The following SLC47A1 variants were observed in gnomAD, a reference collection of about 807,000 sequenced individuals.
The protein encoded by SLC47A1 is solute carrier family 47 member 1, also known as multidrug and toxin extrusion protein 1.
Under a neutral mutation model 65.8 loss-of-function variants are expected in SLC47A1, and 58 were observed. The ratio of observed to expected loss-of-function variants is 0.88; its 90% confidence interval spans 0.71 to 1.10. The LOEUF (loss-of-function observed/expected upper bound fraction) is 1.10. Among genes scored for constraint, SLC47A1 ranks in the 50% least tolerant of loss-of-function variants. The pLI is 0.00. For synonymous variants in SLC47A1, 285 were observed against 295.0 expected, an observed-to-expected ratio of 0.97 and a Z score of 0.35; for missense variants, 706 against 719.2, an observed-to-expected ratio of 0.98 and a Z score of 0.21.
rs1321029338 is a variant in SLC47A1, at chr17:19,577,819, C to A, written c.*266C>A. 7.6e-7 allele frequency: 1 copy of A among 1,321,496 alleles called. No homozygotes were observed. The highest frequency in any genetic ancestry group is 9.7e-7 in the Non-Finnish European group (1 of 1,031,056). The allele number at this position is 1,321,496 out of a possible 1,614,324, so 81.9% of individuals were successfully genotyped here. A position where few individuals can be genotyped will look rare whatever the true frequency, so the allele number is the denominator to read the frequency against. On this transcript the variant is annotated 3_prime_UTR_variant, in exon 17 of 17. Coordinates refer to ENST00000270570, the MANE Select transcript of SLC47A1 (RefSeq NM_018242.3). ...CAAGCAAGGATCAATGTGCTGACTG[C>A]ATTGGCCAATGGCTTTGATACTTCT...
chr17:19,555,743 G>A, intron 8 of SLC47A1, 53 bp downstream of exon 8: 1 of 1,613,532 alleles, frequency 6.2e-7, no homozygotes, highest in Non-Finnish European at 8.5e-7. Context: ...GTCTCAGGTT[G>A]AGTTCCAGCC....
At chr17:19,577,105 C>G (rs1019772995) in intron 16 of SLC47A1, among the ~76,000 whole-genome samples, 1 of 151,954 alleles carries the variant, frequency 6.6e-6, no homozygotes, top group Non-Finnish European at 1.5e-5. Flanking sequence ...GGAGAGTGCT[C>G]CCTGGAGCAC....
chr17:19,548,535 C>G lies in SLC47A1; in HGVS notation c.455+402C>G, dbSNP rs1209969959. 3.1e-4 allele frequency among the ~76,000 whole-genome samples: 47 copies of G among 149,262 alleles called. 2 individuals are homozygous for G. Among genetic ancestry groups the G allele is most frequent in the Non-Finnish European group, 8.9e-5 (6 of 67,660 alleles). On this transcript the variant is annotated intron_variant, in intron 4 of 16. Coordinates refer to ENST00000270570, the MANE Select transcript of SLC47A1 (RefSeq NM_018242.3). ...TTTTTTTTGAGACCAAGTCTCACTC[C>G]GTCCCCCAGACTGGAATGCAGTGGT...
In SLC47A1 at chr17:19,546,048, C is replaced by G. The variant is rs557426172; in HGVS notation, c.238-387C>G. ...CATCCTGGCCAACATGGTGAAACCC[C>G]GTCTTTACTAAAAATACAAAAATTA... On this transcript the variant is annotated intron_variant, in intron 2 of 16. Coordinates refer to ENST00000270570, the MANE Select transcript of SLC47A1 (RefSeq NM_018242.3). Among the ~76,000 whole-genome samples the G allele has an allele frequency of 2.0e-5, 3 of 152,122 alleles. 1 individual carries two copies. In the South Asian group the frequency reaches 6.2e-4, roughly 32 times the overall value.
chr17:19,563,005 T>C lies in SLC47A1; in HGVS notation c.1106+2512T>C, dbSNP rs566603869. Reference sequence around the variant, plus strand: ...CTAAGAGACTACTTTGCACAACTTTTTCCAAGGAAATCTAAAAATGTGGAA... The same window carrying C: ...CTAAGAGACTACTTTGCACAACTTTCTCCAAGGAAATCTAAAAATGTGGAA... On this transcript the variant is annotated intron_variant, in intron 12 of 16. Transcript: ENST00000270570. Among the ~76,000 whole-genome samples the C allele has an allele frequency of 4.4e-3, 662 of 152,172 alleles. 2 individuals are homozygous for C. Among genetic ancestry groups the C allele is most frequent in the Non-Finnish European group, 7.4e-3 (505 of 68,004 alleles).
At chr17:19,546,600 C>T in intron 3 of SLC47A1, 97 bp downstream of exon 3, 1 of 1,124,140 alleles carries the variant, frequency 8.9e-7, no homozygotes, top group South Asian at 1.3e-5. Flanking sequence ...CAGCAGCCAG[C>T]ACTTGCAGCA....
At chr17:19,555,106 G>A in intron 6 of SLC47A1, 106 bp from the exon 7 acceptor site, 2 of 992,858 alleles carry the variant, frequency 2.0e-6, no homozygotes, top group Non-Finnish European at 3.2e-6. Flanking sequence ...AGCTATGCCT[G>A]TGATACCCGC....
chr17:19,555,086 T>C (rs1916564080), intron 6 of SLC47A1, 126 bp from the exon 7 acceptor site: 1 of 802,178 alleles, frequency 1.2e-6, no homozygotes, highest in Admixed American at 1.8e-5. Context: ...CCTCCCCAGT[T>C]AAGCCCCCCA....
chr17:19,534,310 T>A, intron 1 of SLC47A1: 1 of 468,424 alleles, frequency 2.1e-6, no homozygotes, highest in Non-Finnish European at 3.6e-6. Flanking sequence ...CGGGAACGGC[T>A]GGTACGCGCC....
chr17:19,577,099 A>T (rs568058708), intron 16 of SLC47A1, among the ~76,000 whole-genome samples: 3 of 151,920 alleles, frequency 2.0e-5, no homozygotes, highest in Non-Finnish European at 2.9e-5. Flanking sequence ...CTCCTGGGAG[A>T]GTGCTCCCTG....
At chr17:19,546,759 A>G (rs570898035) in intron 3 of SLC47A1, among the ~76,000 whole-genome samples, 2 of 152,138 alleles carry the variant, frequency 1.3e-5, no homozygotes, top group South Asian at 2.1e-4. Flanking sequence ...ATTCCCTTCT[A>G]TTGCTCCCCA....
intron 1 of SLC47A1, among the ~76,000 whole-genome samples, chr17:19,538,747 G>A (rs1449966048): frequency 6.6e-6 from 1 of 152,232 alleles, no homozygotes; most frequent in Non-Finnish European, 1.5e-5. Flanking sequence ...CTTCTTTCCA[G>A]TGAGTGAACT....
At chr17:19,566,891 G>A (rs747125160) in intron 13 of SLC47A1, 32 bp downstream of exon 13, 4 of 1,609,716 alleles carry the variant, frequency 2.5e-6, no homozygotes, top group South Asian at 1.1e-5. Context: ...CCTAAGCACT[G>A]TTATGATCTT....
intron 10 of SLC47A1, among the ~76,000 whole-genome samples, chr17:19,556,849 G>T (rs369756463): frequency 6.6e-6 from 1 of 152,160 alleles, no homozygotes; most frequent in Admixed American, 6.5e-5. Context: ...GAGCCACCGC[G>T]CCTGACTTGT....
chr17:19,553,545 CTT>C (rs144325967), intron 6 of SLC47A1, among the ~76,000 whole-genome samples: 7,792 of 133,370 alleles, frequency 0.058, 540 homozygotes, highest in African/African-American at 0.2. Context: ...TTCTTTCTTC[CTT>C]TTTTTTTTTT....
chr17:19,562,887 A>C (rs1256966551), intron 12 of SLC47A1, among the ~76,000 whole-genome samples: 2 of 152,074 alleles, frequency 1.3e-5, no homozygotes, highest in African/African-American at 4.8e-5. Flanking sequence ...AAAGAGATGA[A>C]CCTCTACCTA....
At chr17:19,542,705 T>A (rs143524709) in intron 2 of SLC47A1, among the ~76,000 whole-genome samples, 1 of 152,208 alleles carries the variant, frequency 6.6e-6, no homozygotes, top group African/African-American at 2.4e-5. Context: ...TGCAGATTCC[T>A]AGGTTCTGGG....
At chr17:19,534,332 T>G in intron 1 of SLC47A1, 4 of 405,346 alleles carry the variant, frequency 9.9e-6, no homozygotes, top group Non-Finnish European at 8.7e-6. Context: ...GGGCGCATGT[T>G]GGCTCGGAGA....
At chr17:19,567,055 G>T (rs75002439) in intron 13 of SLC47A1, 41 bp from the exon 14 acceptor site, 5 of 1,613,702 alleles carry the variant, frequency 3.1e-6, no homozygotes, top group East Asian at 2.2e-5. Flanking sequence ...TTTCAAGAGC[G>T]CCGGATGTGT....
Sources: gnomAD v4.1 joint callset for allele counts (sites outside exome capture counted in the v4.1 genomes callset) on GRCh38, gnomAD v4.1.1 for gene constraint, MANE v1.5 for transcripts, NCBI Gene and HGNC (gene_info 2026-07-23, HGNC 2026-07-21) for gene names.